The following B4GALNT2 variants were observed in gnomAD, a reference collection of about 807,000 sequenced individuals.
The protein encoded by B4GALNT2 is beta-1,4-N-acetyl-galactosaminyltransferase 2 (SID blood group), also known as N-acetylneuraminylgalactosylglucosyl-glucoside beta-1,4-N- acetylgalactosaminyltransferase 2.
In B4GALNT2, 42 loss-of-function variants were observed where a neutral mutation model predicts 51.1. The ratio of observed to expected loss-of-function variants is 0.82; its 90% CI spans 0.64 to 1.06. B4GALNT2 has a LOEUF of 1.06. Ranked by LOEUF, B4GALNT2 falls within the 50% of genes least tolerant of loss-of-function variation. The pLI, the probability that B4GALNT2 is intolerant of heterozygous loss-of-function variation, is 0.00. For synonymous variants in B4GALNT2, 253 were observed against 251.7 expected, an observed-to-expected ratio of 1.01 and a Z score of -0.05; for missense variants, 602 against 633.6, an observed-to-expected ratio of 0.95 and a Z score of 0.54.
chr17:49,156,144 T>C (rs1259176933), intron 4 of B4GALNT2, among the ~76,000 whole-genome samples: 2 of 152,154 alleles, frequency 1.3e-5, no homozygotes, highest in Admixed American at 1.3e-4. Flanking sequence ...ACTGAAACTC[T>C]GTACCCATCC....
At position 49,160,659 on chromosome 17, in the gene B4GALNT2, G is replaced by C; in HGVS notation, c.766+18G>C. On this transcript the variant is annotated intron_variant, in intron 7 of 10. Transcript: ENST00000393354. ...TGGACCAGGTAAGGCCCTTGTCCTTGGGGCTCCGTGGTGGCAACCCTGTGA... is the reference window on the plus strand; with the variant it reads ...TGGACCAGGTAAGGCCCTTGTCCTTCGGGCTCCGTGGTGGCAACCCTGTGA... 6.2e-7 allele frequency: 1 copy of C among 1,603,428 alleles called. No individual in the cohort carries two copies. The highest frequency in any genetic ancestry group is 1.1e-5 in the South Asian group (1 of 90,836).
Position 49,166,216 on chromosome 17 carries a change from G to A in B4GALNT2, c.1057G>A (p.Val353Met). The change falls in exon 9 of 11, where the codon GTG becomes ATG. Residue 353 changes from valine (V) to methionine (M), a missense_variant. Transcript: ENST00000393354. Reference protein sequence around the residue: ...FLFNEETKIEVLVDVLEKTEL... With the variant: ...FLFNEETKIEMLVDVLEKTEL... ...CTTCAACGAGGAGACCAAGATTGAG[G>A]TGCTGGTGGATGTCCTGGAGAAAAC... is the stretch of plus-strand genomic sequence containing the variant. 6.2e-7 allele frequency: 1 copy of A among 1,614,114 alleles called. No homozygotes were observed. Among genetic ancestry groups the A allele is most frequent in the South Asian group, 1.1e-5 (1 of 91,080 alleles).
chr17:49,159,632 G>A (rs548324839), intron 6 of B4GALNT2, among the ~76,000 whole-genome samples: 17 of 152,282 alleles, frequency 1.1e-4, no homozygotes, highest in East Asian at 9.6e-4. Flanking sequence ...GAGCTACAGC[G>A]TCTGGCCTGC....
At chr17:49,141,561 C>A in intron 2 of B4GALNT2, 114 bp downstream of exon 2, 1 of 1,179,710 alleles carries the variant, frequency 8.5e-7, no homozygotes. Flanking sequence ...CTTTCCTAAG[C>A]CTGTGCTGAA....
At chr17:49,128,738 T>C (rs555525910), upstream of B4GALNT2, among the ~76,000 whole-genome samples, 1 of 152,226 alleles carries the variant, frequency 6.6e-6, no homozygotes, top group African/African-American at 2.4e-5. Flanking sequence ...GGCCAGGCCA[T>C]GTTGCAATAA....
At chr17:49,150,916 C>T (rs2042747607) in intron 3 of B4GALNT2, among the ~76,000 whole-genome samples, 1 of 151,590 alleles carries the variant, frequency 6.6e-6, no homozygotes, top group African/African-American at 2.4e-5. Context: ...CAAGAATGAT[C>T]AATTAAAAAA....
chr17:49,145,495 C>T (rs2042686345), intron 3 of B4GALNT2, among the ~76,000 whole-genome samples: 1 of 152,248 alleles, frequency 6.6e-6, no homozygotes, highest in East Asian at 1.9e-4. Flanking sequence ...TTACAGTCCT[C>T]ATTTCTGCAG....
the B4GALNT2 span, among the ~76,000 whole-genome samples, chr17:49,122,517 C>T: frequency 2.6e-5 from 4 of 152,154 alleles, no homozygotes; most frequent in Non-Finnish European, 5.9e-5. Context: ...GAACATTAGT[C>T]CTAGGCATAT....
In B4GALNT2 at chr17:49,172,977, G is replaced by A. The variant is rs547879105; in HGVS notation, c.*3249G>A. 7.9e-5 allele frequency: 12 copies of A among 152,352 alleles called. No homozygotes were observed. The highest frequency in any genetic ancestry group is 2.1e-4 in the South Asian group (1 of 4,822). 9.4% of individuals were successfully genotyped at this position (152,352 alleles called of 1,614,324 possible). ...TGCACCATTTGGCAAGTTGGGCATC[G>A]CTGGATAATAGCTTTAGCTTCTTTC... is the stretch of plus-strand genomic sequence containing the variant. On this transcript the variant is annotated 3_prime_UTR_variant, in exon 11 of 11. Transcript: ENST00000393354.
intron 7 of B4GALNT2, among the ~76,000 whole-genome samples, chr17:49,162,558 A>G (rs1012863083): frequency 5.9e-5 from 9 of 152,194 alleles, no homozygotes; most frequent in African/African-American, 1.7e-4. Flanking sequence ...TATCCTACAG[A>G]TATTTATATC....
In B4GALNT2 at chr17:49,172,716, C is replaced by T. The variant is rs1380540823; in HGVS notation, c.*2988C>T. The T allele has an allele frequency of 6.6e-6, 1 of 152,126 alleles. No homozygotes were observed. The highest frequency in any genetic ancestry group is 1.5e-5 in the Non-Finnish European group (1 of 67,992). 9.4% of individuals were successfully genotyped at this position (152,126 alleles called of 1,614,324 possible). A position where few individuals can be genotyped will look rare whatever the true frequency, so the allele number is the denominator to read the frequency against. ...TGGCTAGTACAGCCTGGGGCATTAT[C>T]TGTTTTAATAGAAGCTGGAATGCCC... On this transcript the variant is annotated 3_prime_UTR_variant, in exon 11 of 11. Transcript: ENST00000393354.
intron 4 of B4GALNT2, among the ~76,000 whole-genome samples, chr17:49,153,879 C>T (rs2042782907): frequency 6.6e-6 from 1 of 152,092 alleles, no homozygotes; most frequent in South Asian, 2.1e-4. Flanking sequence ...CCATGACCTC[C>T]TGGGGCTCCA....
intron 3 of B4GALNT2, among the ~76,000 whole-genome samples, chr17:49,147,366 T>TTTTC (rs1416798869): frequency 1.3e-5 from 2 of 148,776 alleles, no homozygotes; most frequent in Non-Finnish European, 1.5e-5. Flanking sequence ...TATTCTTTTC[T>TTTTC]TTTCTTTCTT....
At chr17:49,128,352 C>T (rs953177685), upstream of B4GALNT2, among the ~76,000 whole-genome samples, 9 of 151,954 alleles carry the variant, frequency 5.9e-5, no homozygotes, top group South Asian at 2.1e-4. Context: ...TGAAGGCTTG[C>T]GGGCAGGAGG....
chr17:49,147,732 T>G (rs1320474077), intron 3 of B4GALNT2, among the ~76,000 whole-genome samples: 1 of 152,130 alleles, frequency 6.6e-6, no homozygotes, highest in Non-Finnish European at 1.5e-5. Context: ...TTCTCGTCCC[T>G]TTCTTAAATG....
intron 7 of B4GALNT2, 71 bp downstream of exon 7, chr17:49,160,712 A>C: frequency 3.0e-6 from 4 of 1,348,902 alleles, no homozygotes; most frequent in Non-Finnish European, 4.3e-6. Flanking sequence ...AGAAGGGATC[A>C]CCTCTGAGAC....
chr17:49,125,483 C>T, the B4GALNT2 span, among the ~76,000 whole-genome samples: 1 of 152,108 alleles, frequency 6.6e-6, no homozygotes, highest in African/African-American at 2.4e-5. Flanking sequence ...TAATTATGCA[C>T]TAGGTGTAGA....
At chr17:49,129,611 C>T (rs963633595), upstream of B4GALNT2, among the ~76,000 whole-genome samples, 1 of 115,892 alleles carries the variant, frequency 8.6e-6, no homozygotes, top group East Asian at 2.0e-4. Flanking sequence ...AGAGGGGCTT[C>T]TGGCCGATTT....
intron 5 of B4GALNT2, among the ~76,000 whole-genome samples, chr17:49,157,252 C>G (rs1259537463): frequency 6.6e-6 from 1 of 152,102 alleles, no homozygotes; most frequent in Non-Finnish European, 1.5e-5. Context: ...GCTTGACCTC[C>G]TGGGCTCAAG....
Sources: gnomAD v4.1 joint callset for allele counts (sites outside exome capture counted in the v4.1 genomes callset) on GRCh38, gnomAD v4.1.1 for gene constraint, MANE v1.5 for transcripts, NCBI Gene and HGNC (gene_info 2026-07-23, HGNC 2026-07-21) for gene names.